Variants in RNLS observed in about 807,000 individuals in gnomAD.
RNLS encodes renalase, FAD dependent amine oxidase.
A neutral mutation model predicts 39.8 loss-of-function variants in RNLS; 39 were observed. The ratio of observed to expected loss-of-function variants is 0.98; its 90% confidence interval spans 0.76 to 1.28. RNLS has a LOEUF of 1.28. RNLS is among the 50% of genes most tolerant of loss of function. The probability of loss-of-function intolerance (pLI) is 0.00; values close to 1 mark genes in which losing one functional copy is unlikely to be tolerated. For synonymous variants in RNLS, 147 were observed against 150.7 expected, an observed-to-expected ratio of 0.98 and a Z score of 0.18; for missense variants, 410 against 413.3, an observed-to-expected ratio of 0.99 and a Z score of 0.07.
At chr10:88,375,625 A>G (rs1456612857) in intron 4 of RNLS, among the ~76,000 whole-genome samples, 1 of 152,188 alleles carries the variant, frequency 6.6e-6, no homozygotes, top group Admixed American at 6.6e-5. Context: ...GCTGCCTGCA[A>G]TGAGAACTGA....
chr10:88,320,877 G>A (rs1846137825), intron 5 of RNLS, among the ~76,000 whole-genome samples: 1 of 146,180 alleles, frequency 6.8e-6, no homozygotes, highest in Non-Finnish European at 1.5e-5. Context: ...CATGCTGACG[G>A]CACTAGATAG....
At chr10:88,342,268 T>C (rs1848009389) in intron 5 of RNLS, among the ~76,000 whole-genome samples, 1 of 152,188 alleles carries the variant, frequency 6.6e-6, no homozygotes, top group Non-Finnish European at 1.5e-5. Flanking sequence ...ACAAGCGCCT[T>C]TGTAGCAGTA....
chr10:88,251,377 ACAATT>A, the RNLS span, among the ~76,000 whole-genome samples: 1 of 152,238 alleles, frequency 6.6e-6, no homozygotes, highest in Non-Finnish European at 1.5e-5. Flanking sequence ...GTGACTTTGA[ACAATT>A]TACCTAAATG....
the RNLS span, among the ~76,000 whole-genome samples, chr10:88,174,243 T>C: frequency 6.6e-6 from 1 of 152,114 alleles, no homozygotes; most frequent in African/African-American, 2.4e-5. Context: ...TCTTCATTTT[T>C]TTTTTCTTTT....
At chr10:88,561,608 A>C (rs1849192981) in intron 4 of RNLS, among the ~76,000 whole-genome samples, 1 of 152,166 alleles carries the variant, frequency 6.6e-6, no homozygotes. Flanking sequence ...TTAGGAATAT[A>C]ATTCAGAATA....
intron 4 of RNLS, among the ~76,000 whole-genome samples, chr10:88,527,025 C>T (rs1847144244): frequency 1.3e-5 from 2 of 151,858 alleles, no homozygotes; most frequent in African/African-American, 2.4e-5. Context: ...CATATTTCTT[C>T]CTCCCTCCTT....
intron 4 of RNLS, among the ~76,000 whole-genome samples, chr10:88,496,650 A>G (rs1211888987): frequency 1.3e-5 from 2 of 152,158 alleles, no homozygotes; most frequent in East Asian, 1.9e-4. Flanking sequence ...CCATCCCCAC[A>G]TGCAACAGAC....
At chr10:88,361,478 T>C (rs1291485114) in intron 5 of RNLS, among the ~76,000 whole-genome samples, 1 of 152,226 alleles carries the variant, frequency 6.6e-6, no homozygotes, top group African/African-American at 2.4e-5. Flanking sequence ...GTTAGTCTCC[T>C]TTTCTCAGAA....
Position 88,582,262 on chromosome 10 carries a change from G to C in RNLS, c.164C>G (p.Thr55Arg). The C allele has an allele frequency of 6.2e-7, 1 of 1,614,072 alleles. No homozygotes were observed. The highest frequency in any genetic ancestry group is 8.5e-7 in the Non-Finnish European group (1 of 1,179,984). ...GATGTACTGAGCACCCAAGTCAGCT[G>C]TGCACTGAGGATTATGAGGACTGCA... The part of the protein sequence containing the change: ...TACSPHNPQC[T>R]ADLGAQYITC... The change falls in exon 2 of 7, where the codon ACA (threonine) becomes AGA (arginine). Residue 55 changes from threonine to arginine, a missense_variant. Physicochemically the swap from Thr to Arg is moderately conservative, Grantham distance 71. Transcript: ENST00000331772.
chr10:88,515,590 G>A (rs1244869451), intron 4 of RNLS, among the ~76,000 whole-genome samples: 2 of 152,000 alleles, frequency 1.3e-5, no homozygotes, highest in Non-Finnish European at 2.9e-5. Flanking sequence ...ACTCTGATCA[G>A]AACATCACCC....
chr10:88,267,167 C>T, the RNLS span, among the ~76,000 whole-genome samples: 3 of 152,088 alleles, frequency 2.0e-5, no homozygotes, highest in Non-Finnish European at 4.4e-5. Flanking sequence ...ATTAATACAC[C>T]ATAAATTCTA....
chr10:88,351,883 G>A (rs919075444), intron 5 of RNLS, among the ~76,000 whole-genome samples: 1 of 152,298 alleles, frequency 6.6e-6, no homozygotes, highest in Admixed American at 6.5e-5. Flanking sequence ...ATTTTGTTGA[G>A]TAGTGGTTTG....
the RNLS span, among the ~76,000 whole-genome samples, chr10:88,204,760 A>G: frequency 6.6e-6 from 1 of 152,148 alleles, no homozygotes; most frequent in African/African-American, 2.4e-5. Context: ...TAGTAGTTTT[A>G]CTATTTTTCA....
intron 4 of RNLS, among the ~76,000 whole-genome samples, chr10:88,549,858 A>G (rs1320342843): frequency 6.6e-6 from 1 of 152,208 alleles, no homozygotes; most frequent in Admixed American, 6.5e-5. Flanking sequence ...GTTTTTTAAA[A>G]CTTCTCCATG....
intron 4 of RNLS, among the ~76,000 whole-genome samples, chr10:88,365,120 G>T (rs1791281528): frequency 6.6e-6 from 1 of 151,902 alleles, no homozygotes; most frequent in Non-Finnish European, 1.5e-5. Flanking sequence ...TATAGAAACA[G>T]CAATTAACCT....
intron 6 of RNLS, among the ~76,000 whole-genome samples, chr10:88,286,780 A>G (rs950554544): frequency 7.5e-6 from 1 of 133,052 alleles, no homozygotes; most frequent in Non-Finnish European, 1.6e-5. Flanking sequence ...CTGAGTCAGT[A>G]TATTCCCTTA....
At chr10:88,203,805 C>T in the RNLS span, among the ~76,000 whole-genome samples, 1 of 151,450 alleles carries the variant, frequency 6.6e-6, no homozygotes, top group Non-Finnish European at 1.5e-5. Flanking sequence ...ACTGTAGGAA[C>T]ATAGAGATAC....
intron 5 of RNLS, among the ~76,000 whole-genome samples, chr10:88,345,674 G>A (rs1256636789): frequency 6.6e-6 from 1 of 152,036 alleles, no homozygotes; most frequent in Non-Finnish European, 1.5e-5. Context: ...TAGAAGTTTT[G>A]GATATACTAT....
At chr10:88,281,101 T>C (rs1842994864), downstream of RNLS, among the ~76,000 whole-genome samples, 1 of 152,176 alleles carries the variant, frequency 6.6e-6, no homozygotes, top group African/African-American at 2.4e-5. Flanking sequence ...AACACAAATA[T>C]ATTCCAGACT....
Sources: allele counts gnomAD v4.1 joint callset (sites outside exome capture counted in the v4.1 genomes callset), GRCh38; gene constraint gnomAD v4.1.1; transcripts MANE v1.5; gene names NCBI Gene and HGNC (gene_info 2026-07-23, HGNC 2026-07-21).